The following SYNE1 variants were observed in gnomAD, a reference collection of about 807,000 sequenced individuals.
SYNE1 encodes the protein nesprin-1.
In SYNE1, 616 loss-of-function variants were observed where a neutral mutation model predicts 1,111.0. The ratio of observed to expected loss-of-function variants is 0.55; its 90% CI spans 0.52 to 0.59. The LOEUF (loss-of-function observed/expected upper bound fraction) is 0.59, where lower values mean the gene tolerates loss of function less well. Ranked by LOEUF, SYNE1 falls within the 20% of genes least tolerant of loss-of-function variation. SYNE1 has a pLI of 0.00. For synonymous variants in SYNE1, 3,855 were observed against 3,825.8 expected, an observed-to-expected ratio of 1.01 and a Z score of -0.28; for missense variants, 10,006 against 10,417.0, an observed-to-expected ratio of 0.96 and a Z score of 1.72.
intron 30 of SYNE1, among the ~76,000 whole-genome samples, chr6:152,443,613 C>A (rs1249017281): frequency 6.6e-6 from 1 of 152,102 alleles, no homozygotes; most frequent in African/African-American, 2.4e-5. Context: ...ATCCTGAAGG[C>A]TGGGATTTTA....
At position 152,225,787 on chromosome 6, in the gene SYNE1, G is replaced by A. The variant is rs768886911; in HGVS notation, c.21285C>T (p.Asp7095=). ...GTGTGCTCATGACAATGCTAGAGAC[G>A]TCTTCTTTCTTGTTCTGAATCAAAG... ...GLALIQNKKE[D]VSSIVMSTLR... is the part of the protein sequence containing the mutation. The change falls in exon 116 of 146, where the codon GAC becomes GAT. Residue 7095 remains aspartate (D), a synonymous_variant. Coordinates refer to ENST00000367255, the MANE Select transcript of SYNE1 (RefSeq NM_182961.4). 3.5e-5 allele frequency: 57 copies of A among 1,614,004 alleles called. No homozygotes were observed. The highest frequency in any genetic ancestry group is 1.3e-4 in the South Asian group (12 of 91,074).
At chr6:152,350,819 G>C in intron 70 of SYNE1, 49 bp from the exon 71 acceptor site, 1 of 1,606,854 alleles carries the variant, frequency 6.2e-7, no homozygotes, top group Non-Finnish European at 8.5e-7. Context: ...CCGTGGACAA[G>C]ATGAATACAT....
At chr6:152,152,363 G>T (rs1034985531) in intron 133 of SYNE1, among the ~76,000 whole-genome samples, 50 of 151,888 alleles carry the variant, frequency 3.3e-4, no homozygotes, top group Admixed American at 3.3e-3. Flanking sequence ...ATGAAAATGG[G>T]GAGTAGTAAT....
intron 3 of SYNE1, among the ~76,000 whole-genome samples, chr6:152,585,970 G>A (rs1019277814): frequency 6.6e-6 from 1 of 152,050 alleles, no homozygotes; most frequent in Non-Finnish European, 1.5e-5. Flanking sequence ...AAGACATGAG[G>A]TAATAAGTCA....
At chr6:152,143,212 G>A (rs1024334938) in intron 138 of SYNE1, among the ~76,000 whole-genome samples, 1 of 152,146 alleles carries the variant, frequency 6.6e-6, no homozygotes, top group Non-Finnish European at 1.5e-5. Flanking sequence ...GTCATTCGGT[G>A]AACCCAGGAA....
At chr6:152,319,067 T>C (rs1325861296) in intron 84 of SYNE1, 52 bp from the exon 85 acceptor site, 1 of 1,606,466 alleles carries the variant, frequency 6.2e-7, no homozygotes, top group Middle Eastern at 1.6e-4. Context: ...AAGTGAATAA[T>C]AGATACTAAA....
intron 127 of SYNE1, among the ~76,000 whole-genome samples, chr6:152,191,452 T>C (rs1028823305): frequency 6.6e-6 from 1 of 152,156 alleles, no homozygotes; most frequent in African/African-American, 2.4e-5. Context: ...GGCTTCAATC[T>C]TGTTACTTGC....
chr6:152,313,063 C>T (rs182181801), intron 87 of SYNE1, among the ~76,000 whole-genome samples: 1 of 152,264 alleles, frequency 6.6e-6, no homozygotes, highest in East Asian at 1.9e-4. Flanking sequence ...ACAATGTCTG[C>T]TTATATATAA....
intron 61 of SYNE1, 99 bp from the exon 62 acceptor site, chr6:152,367,481 A>C: frequency 7.2e-7 from 1 of 1,386,076 alleles, no homozygotes. Context: ...TCATGGCTTC[A>C]TACGCTGCAC....
chr6:152,193,964 G>A (rs2153274947), intron 127 of SYNE1, among the ~76,000 whole-genome samples: 1 of 147,644 alleles, frequency 6.8e-6, no homozygotes, highest in African/African-American at 2.5e-5. Context: ...AGTGGGCCAA[G>A]ATCCCGCCAC....
In SYNE1 at chr6:152,148,565, T is replaced by TA; in HGVS notation, c.24643-188dup. Among the ~76,000 whole-genome samples the TA allele has an allele frequency of 6.6e-6, 1 of 152,168 alleles. No individual in the cohort carries two copies. ...TGACTGTCTGGGTTGAAATCTCAGT[T>TA]ACGCTGTGTGCTTCCTGTTTAAGCT... is the stretch of plus-strand genomic sequence containing the variant. On this transcript the variant is annotated intron_variant, in intron 136 of 145. Coordinates refer to ENST00000367255, the MANE Select transcript of SYNE1 (RefSeq NM_182961.4). This position sits in a 1 kb window ranked among gnomAD's most constrained non-coding sequence, Gnocchi z 4.1.
Position 152,399,644 on chromosome 6 carries a change from C to T in SYNE1, c.7209G>A (p.Leu2403=). The T allele has an allele frequency of 6.2e-7, 1 of 1,614,148 alleles. No individual in the cohort carries two copies. The highest frequency in any genetic ancestry group is 8.5e-7 in the Non-Finnish European group (1 of 1,180,012). The change falls in exon 48 of 146, where the codon CTG becomes CTA. Residue 2403 remains leucine (L), a synonymous_variant. Transcript: ENST00000367255. The stretch of plus-strand genomic sequence containing the variant: ...TGAAGTGTTTTTCCAGAGATTCCTG[C>T]AGGCTGGCCTGGGTTTTGGAGCACA... ...SQLCSKTQAS[L]QESLEKHFSE...
intron 48 of SYNE1, among the ~76,000 whole-genome samples, chr6:152,399,398 G>A (rs1481927410): frequency 1.3e-5 from 2 of 152,144 alleles, no homozygotes; most frequent in Non-Finnish European, 2.9e-5. Context: ...GTGAACTCTT[G>A]CTTTCTTGGG....
intron 116 of SYNE1, among the ~76,000 whole-genome samples, chr6:152,225,281 A>C (rs2081285082): frequency 1.5e-5 from 1 of 66,766 alleles, no homozygotes; most frequent in Non-Finnish European, 3.0e-5. Context: ...ATATGCGCAA[A>C]CACACACACA....
At chr6:152,208,261 C>G in intron 124 of SYNE1, 55 bp from the exon 125 acceptor site, 1 of 1,502,096 alleles carries the variant, frequency 6.7e-7, no homozygotes, top group South Asian at 1.1e-5. Flanking sequence ...GATGCAGTTA[C>G]GCAATCAGCC....
intron 3 of SYNE1, 87 bp from the exon 4 acceptor site, chr6:152,540,108 A>C: frequency 7.5e-7 from 1 of 1,338,564 alleles, no homozygotes; most frequent in Non-Finnish European, 1.1e-6. Context: ...CAAATCTGGA[A>C]GGAATCGTGA....
At chr6:152,395,389 T>C (rs2097716439) in intron 51 of SYNE1, 127 bp downstream of exon 51, 2 of 944,836 alleles carry the variant, frequency 2.1e-6, no homozygotes, top group East Asian at 2.4e-5. Flanking sequence ...ATTCCAGACA[T>C]TCAAGGACAG....
intron 117 of SYNE1, 63 bp downstream of exon 117, chr6:152,224,431 G>T: frequency 2.9e-6 from 4 of 1,394,378 alleles, no homozygotes; most frequent in Non-Finnish European, 4.1e-6. Context: ...GTCTCCATTT[G>T]GTAATTTTTC....
chr6:152,264,724 T>C (rs1333014512), intron 100 of SYNE1, among the ~76,000 whole-genome samples: 1 of 152,100 alleles, frequency 6.6e-6, no homozygotes. Context: ...CATTTGAGCC[T>C]GGGAGTTCAA....
Sources: gnomAD v4.1 joint callset for allele counts (sites outside exome capture counted in the v4.1 genomes callset) on GRCh38, gnomAD v4.1.1 for gene constraint, Gnocchi (gnomAD v3.1) non-coding constraint, MANE v1.5 for transcripts, NCBI Gene and HGNC (gene_info 2026-07-23, HGNC 2026-07-21) for gene names.